The following STAU2 variants were observed in gnomAD, a reference collection of about 807,000 sequenced individuals.
STAU2 encodes the protein staufen double-stranded RNA binding protein 2.
STAU2 carries 20 observed loss-of-function variants against 65.9 expected under a neutral mutation model. The ratio of observed to expected loss-of-function variants is 0.30; its 90% confidence interval spans 0.21 to 0.44. The LOEUF (loss-of-function observed/expected upper bound fraction) is 0.44, where lower values mean the gene tolerates loss of function less well. Ranked by LOEUF, STAU2 falls within the 20% of genes least tolerant of loss-of-function variation. The pLI is 1.00. For synonymous variants in STAU2, 232 were observed against 233.9 expected, an observed-to-expected ratio of 0.99 and a Z score of 0.07; for missense variants, 558 against 683.9, an observed-to-expected ratio of 0.82 and a Z score of 2.05.
chr8:73,642,579 G>A (rs148709808), intron 6 of STAU2, among the ~76,000 whole-genome samples: 350 of 151,826 alleles, frequency 2.3e-3, no homozygotes, highest in African/African-American at 7.8e-3. Context: ...ACCAAATTTC[G>A]TAAAATAGCC....
At chr8:73,481,528 A>ACC (rs144941077) in intron 13 of STAU2, among the ~76,000 whole-genome samples, 17,064 of 144,748 alleles carry the variant, frequency 0.12, 1,467 homozygotes, top group East Asian at 0.44. Context: ...AAAAAAAAAA[A>ACC]CACTTTTTTT....
At chr8:73,551,845 C>T (rs966947953) in intron 13 of STAU2, 167 bp downstream of exon 13, 2 of 1,287,052 alleles carry the variant, frequency 1.6e-6, no homozygotes, top group African/African-American at 3.0e-5. Flanking sequence ...GAAAATGAGG[C>T]ATGTGCATAT....
chr8:73,548,662 T>C (rs936448444), intron 13 of STAU2, among the ~76,000 whole-genome samples: 2 of 152,156 alleles, frequency 1.3e-5, no homozygotes, highest in South Asian at 4.1e-4. Flanking sequence ...TTTTGGACAA[T>C]AAACTAATTA....
chr8:73,600,695 T>C (rs1811575431), intron 10 of STAU2, among the ~76,000 whole-genome samples: 1 of 152,218 alleles, frequency 6.6e-6, no homozygotes, highest in South Asian at 2.1e-4. Flanking sequence ...CTTGGACTTG[T>C]CAGCTGTAAT....
rs1347536772 is a variant in STAU2 at position 73,461,698 on chromosome 8, A to C, written c.1531-38996T>G. Among the ~76,000 whole-genome samples the C allele has an allele frequency of 2.0e-5, 3 of 152,076 alleles. No individual in the cohort carries two copies. In the South Asian group the frequency reaches 6.3e-4, roughly 32 times the overall value. On this transcript the variant is annotated intron_variant, in intron 13 of 14. Transcript: ENST00000524300. ...AGGAGGAGGATGGAGACTGTGTAGG[A>C]GGGAGAGAATGAGGTGGGGAGAAGC...
chr8:73,479,894 C>A (rs911925004), intron 13 of STAU2, among the ~76,000 whole-genome samples: 1 of 151,912 alleles, frequency 6.6e-6, no homozygotes, highest in Non-Finnish European at 1.5e-5. Context: ...AAAAGCATCC[C>A]ACACTGTCAG....
chr8:73,549,775 T>C, intron 13 of STAU2: 1 of 985,716 alleles, frequency 1.0e-6, no homozygotes, highest in Non-Finnish European at 1.2e-6. Flanking sequence ...AAAAAAGTTC[T>C]AACCTAGAAA....
intron 13 of STAU2, 148 bp downstream of exon 13, chr8:73,551,864 T>C: frequency 7.6e-7 from 1 of 1,317,482 alleles, no homozygotes; most frequent in Non-Finnish European, 9.7e-7. Flanking sequence ...ATGGCTTTTT[T>C]GTCTGTCCTT....
chr8:73,487,733 TC>T (rs1453528363), intron 13 of STAU2, among the ~76,000 whole-genome samples: 2 of 152,018 alleles, frequency 1.3e-5, no homozygotes, highest in Non-Finnish European at 2.9e-5. Context: ...GTTCAAATAA[TC>T]CCAGGACAAA....
chr8:73,540,540 T>C (rs1806476091), intron 13 of STAU2, among the ~76,000 whole-genome samples: 1 of 152,210 alleles, frequency 6.6e-6, no homozygotes, highest in South Asian at 2.1e-4. Context: ...TTAGAGATTT[T>C]CCCAAATTTT....
intron 3 of STAU2, among the ~76,000 whole-genome samples, chr8:73,727,488 T>G (rs1805729210): frequency 6.6e-6 from 1 of 152,240 alleles, no homozygotes; most frequent in Non-Finnish European, 1.5e-5. Flanking sequence ...ACCATTTGTG[T>G]GTGTCTTCTT....
intron 12 of STAU2, 77 bp downstream of exon 12, chr8:73,582,693 C>G: frequency 7.0e-7 from 1 of 1,419,902 alleles, no homozygotes; most frequent in East Asian, 2.3e-5. Context: ...CAGACAGACC[C>G]AACCAATCCC....
rs185849276 is a variant in STAU2 at position 73,705,183 on chromosome 8, T to C, written c.114+3849A>G. 3.3e-5 allele frequency among the ~76,000 whole-genome samples: 5 copies of C among 152,312 alleles called. No individual in the cohort carries two copies. The East Asian group carries it at 9.6e-4, about 29-fold the overall frequency. ...ACAATGCTTAAGAACTTATAAATCG[T>C]CACTCCATTATACCACTTTATGAGG... On this transcript the variant is annotated intron_variant, in intron 4 of 14. Coordinates refer to ENST00000524300, the MANE Select transcript of STAU2 (RefSeq NM_001164380.2).
chr8:73,619,056 A>G (rs1215573033), intron 6 of STAU2, among the ~76,000 whole-genome samples: 1 of 152,188 alleles, frequency 6.6e-6, no homozygotes, highest in Non-Finnish European at 1.5e-5. Flanking sequence ...AACTGAATTT[A>G]TTAGTCTGGA....
At chr8:73,576,643 T>C (rs1765765013) in intron 12 of STAU2, among the ~76,000 whole-genome samples, 1 of 152,200 alleles carries the variant, frequency 6.6e-6, no homozygotes, top group African/African-American at 2.4e-5. Flanking sequence ...TTATCTTGCT[T>C]CATAAGTTAT....
intron 13 of STAU2, among the ~76,000 whole-genome samples, chr8:73,475,420 G>C (rs993630226): frequency 2.0e-5 from 3 of 152,126 alleles, no homozygotes; most frequent in African/African-American, 4.8e-5. Context: ...TTTGCTTCGA[G>C]GCTTTGCAGC....
At chr8:73,561,734 TAGTACAATACAATAAC>T (rs1305048167) in intron 12 of STAU2, among the ~76,000 whole-genome samples, 1 of 152,176 alleles carries the variant, frequency 6.6e-6, no homozygotes, top group East Asian at 1.9e-4. Context: ...AATACAATAA[TAGTACAATACAATAAC>T]AATAATAATT....
intron 3 of STAU2, among the ~76,000 whole-genome samples, chr8:73,731,549 C>T (rs1806072452): frequency 6.6e-6 from 1 of 152,126 alleles, no homozygotes; most frequent in Non-Finnish European, 1.5e-5. Flanking sequence ...TGTCTAAAAG[C>T]TATTGTTTAT....
intron 3 of STAU2, among the ~76,000 whole-genome samples, chr8:73,710,423 G>T (rs1356468584): frequency 1.4e-5 from 2 of 146,904 alleles, no homozygotes; most frequent in Non-Finnish European, 3.0e-5. Flanking sequence ...TCCTTTTATG[G>T]TCTGTGCTTT....
Sources: gnomAD v4.1 joint callset for allele counts (sites outside exome capture counted in the v4.1 genomes callset) on GRCh38, gnomAD v4.1.1 for gene constraint, MANE v1.5 for transcripts, NCBI Gene and HGNC (gene_info 2026-07-23, HGNC 2026-07-21) for gene names.